PACSIN3: variants seen among roughly 807,000 people sequenced by gnomAD.
PACSIN3 encodes the protein protein kinase C and casein kinase substrate in neurons protein 3.
PACSIN3 carries 34 observed loss-of-function variants against 56.1 expected under a neutral mutation model. The observed-to-expected ratio is 0.61, with a 90% CI of 0.46 to 0.81. PACSIN3 has a LOEUF of 0.81. Among genes scored for constraint, PACSIN3 ranks in the 30% least tolerant of loss-of-function variants. PACSIN3 has a pLI of 0.00. For missense variants in PACSIN3, 535 were observed against 592.4 expected, an observed-to-expected ratio of 0.90 and a Z score of 1.01; for synonymous variants, 218 against 229.8, an observed-to-expected ratio of 0.95 and a Z score of 0.46.
intron 6 of PACSIN3, 125 bp downstream of exon 6, chr11:47,180,061 G>T: frequency 1.2e-6 from 1 of 831,444 alleles, no homozygotes; most frequent in South Asian, 1.6e-5. Context: ...CATCTGGAGA[G>T]AGGGTGGCAG....
rs1166253706 is a variant in PACSIN3, at chr11:47,186,042, C to A, written c.-104+307G>T. On this transcript the variant is annotated intron_variant, in intron 1 of 10. Transcript: ENST00000298838. The surrounding 1 kb of genome is among the most constrained non-coding windows in gnomAD (Gnocchi z 4.5). ...GCCAGGGAGCGAGGACCCTCTGGGG[C>A]CTCGGGGCGGGCGCGAGGCGAGCGG... Among the ~76,000 whole-genome samples, 1 of 152,074 alleles carries A rather than the reference C, an allele frequency of 6.6e-6. No individual in the cohort carries two copies. The highest frequency in any genetic ancestry group is 1.5e-5 in the Non-Finnish European group (1 of 67,952).
In PACSIN3 at chr11:47,178,416, G is replaced by A. The variant is rs1264960152; in HGVS notation, c.1109C>T (p.Ala370Val). ...TTCCTGGCCAGCGTAGTCATAGAGTGCCCTCACCCGAACCCCGGTGGCAGC... is the reference window on the plus strand; with the variant it reads ...TTCCTGGCCAGCGTAGTCATAGAGTACCCTCACCCGAACCCCGGTGGCAGC... ...RKAATGVRVR[A>V]LYDYAGQEAD... Residue 370 changes from alanine (A) to valine (V), a missense_variant, in exon 10 of 11, where the codon GCA (alanine) becomes GTA (valine). By Grantham distance (64) the Ala-to-Val change is moderately conservative (BLOSUM62 0). Transcript: ENST00000298838. This position sits in a 1 kb window ranked among gnomAD's most constrained non-coding sequence, Gnocchi z 4.2. 1 of 1,613,916 alleles carries A rather than the reference G, an allele frequency of 6.2e-7. No individual in the cohort carries two copies. The highest frequency in any genetic ancestry group is 1.3e-5 in the African/African-American group (1 of 74,944).
In PACSIN3 at chr11:47,178,477, C is replaced by T. The variant is rs377425381; in HGVS notation, c.1048G>A (p.Asp350Asn). 3 of 1,613,584 alleles carry T rather than the reference C, an allele frequency of 1.9e-6. No homozygotes were observed. Among genetic ancestry groups the T allele is most frequent in the African/African-American group, 1.3e-5 (1 of 74,928 alleles). Reference sequence around the variant, plus strand: ...CTCTCTTCATCTGACCACTCCTCATCCTGCCCCGTGCTGGAGAGGGGAGGC... The same window carrying T: ...CTCTCTTCATCTGACCACTCCTCATTCTGCCCCGTGCTGGAGAGGGGAGGC... ...QSPGSPGTGQDEEWSDEESPR... is the reference protein window; with the variant it reads ...QSPGSPGTGQNEEWSDEESPR... The change falls in exon 10 of 11, where the codon GAT (aspartate) becomes AAT (asparagine). Residue 350 changes from aspartate to asparagine, a missense_variant. Physicochemically the swap from Asp to Asn is conservative, Grantham distance 23. Transcript: ENST00000298838. The surrounding 1 kb of genome is among the most constrained non-coding windows in gnomAD (Gnocchi z 4.2).
rs1418825434 is a variant in PACSIN3, at chr11:47,180,300, A to G, written c.489T>C (p.Asp163=). Residue 163 remains aspartate (D), a synonymous_variant, in exon 6 of 11, where the codon GAT becomes GAC. Transcript: ENST00000298838. ...TCTCCCTCGTCTGGGCGGTCTTCTCATCCTTCCGGGCTGCGTGGTAGCTTT... is the reference window on the plus strand; with the variant it reads ...TCTCCCTCGTCTGGGCGGTCTTCTCGTCCTTCCGGGCTGCGTGGTAGCTTT... The part of the protein sequence containing the change: ...SKKSYHAARK[D]EKTAQTRESH... 2 of 1,602,750 alleles carry G rather than the reference A, an allele frequency of 1.2e-6. No homozygotes were observed. The highest frequency in any genetic ancestry group is 1.7e-6 in the Non-Finnish European group (2 of 1,179,962).
At position 47,178,783 on chromosome 11, in the gene PACSIN3, G is replaced by C; in HGVS notation, c.1037+111C>G. 3.9e-6 allele frequency: 5 copies of C among 1,292,430 alleles called. No individual in the cohort carries two copies. The highest frequency in any genetic ancestry group is 5.4e-6 in the Non-Finnish European group (5 of 932,972). The allele number at this position is 1,292,430 out of a possible 1,614,324, so 80.1% of individuals were successfully genotyped here. A position where few individuals can be genotyped will look rare whatever the true frequency, so the allele number is the denominator to read the frequency against. On this transcript the variant is annotated intron_variant, in intron 9 of 10. Transcript: ENST00000298838. This position sits in a 1 kb window ranked among gnomAD's most constrained non-coding sequence, Gnocchi z 4.2. ...TACTAAGTAGGCCCTCAGGTCCCTG[G>C]CACCAATTTTCAACCCATTTCAGGT...
intron 1 of PACSIN3, chr11:47,184,406 G>C (rs1953082334): frequency 6.6e-6 from 1 of 152,256 alleles, no homozygotes; most frequent in Non-Finnish European, 1.5e-5. Flanking sequence ...CAGCCGGGGT[G>C]TATAACCCAT....
At position 47,177,619 on chromosome 11, in the gene PACSIN3, C is replaced by G; in HGVS notation, c.*312G>C. 1 of 427,564 alleles carries G rather than the reference C, an allele frequency of 2.3e-6. No individual in the cohort carries two copies. The highest frequency in any genetic ancestry group is 4.9e-5 in the East Asian group (1 of 20,582). 26.5% of individuals were successfully genotyped at this position (427,564 alleles called of 1,614,324 possible). ...TGCTAGGCCAGAACTACACTCACCC[C>G]AAGCCCACCCCAGGAACCCCAAAGC... On this transcript the variant is annotated 3_prime_UTR_variant, in exon 11 of 11. Transcript: ENST00000298838.
In PACSIN3 at chr11:47,179,887, G is replaced by C; in HGVS notation, c.603+299C>G. The C allele has an allele frequency of 1.8e-6, 1 of 562,882 alleles. No individual in the cohort carries two copies. The highest frequency in any genetic ancestry group is 3.1e-6 in the Non-Finnish European group (1 of 318,102). The allele number at this position is 562,882 out of a possible 1,614,324, so 34.9% of individuals were successfully genotyped here. On this transcript the variant is annotated intron_variant, in intron 6 of 10. Coordinates refer to ENST00000298838, the MANE Select transcript of PACSIN3 (RefSeq NM_016223.5). The surrounding 1 kb of genome is among the most constrained non-coding windows in gnomAD (Gnocchi z 4.4). Reference sequence around the variant, plus strand: ...AAACTGCAGCATCTCAGGATGGGGAGGATTTGCATATCCAGAGCTGCAGGA... The same window carrying C: ...AAACTGCAGCATCTCAGGATGGGGACGATTTGCATATCCAGAGCTGCAGGA...
intron 1 of PACSIN3, chr11:47,185,638 C>A (rs890618676): frequency 2.0e-5 from 3 of 152,696 alleles, no homozygotes; most frequent in Admixed American, 6.5e-5. Context: ...TTTGGAAACC[C>A]GACCTGCCGG....
chr11:47,186,389 A>G lies in PACSIN3; in HGVS notation c.-144T>C, dbSNP rs1318630150. 1 of 150,856 alleles carries G rather than the reference A, an allele frequency of 6.6e-6. No individual in the cohort carries two copies. The highest frequency in any genetic ancestry group is 1.5e-5 in the Non-Finnish European group (1 of 67,600). 9.3% of individuals were successfully genotyped at this position (150,856 alleles called of 1,614,324 possible). ...CCCCTCGGCGGGTGGGGGTCCGGCC[A>G]CGCTCCGGCCCGAGTCCTGCCGCTC... On this transcript the variant is annotated 5_prime_UTR_variant, in exon 1 of 11. Transcript: ENST00000298838. This position sits in a 1 kb window ranked among gnomAD's most constrained non-coding sequence, Gnocchi z 4.5.
In PACSIN3 at chr11:47,182,421, T is replaced by C. The variant is rs367640067; in HGVS notation, c.193A>G (p.Arg65Gly). 64 of 1,599,856 alleles carry C rather than the reference T, an allele frequency of 4.0e-5. No homozygotes were observed. The highest frequency in any genetic ancestry group is 5.1e-5 in the Non-Finnish European group (60 of 1,179,138). ...QQLADWARKW[R>G]GTVEKGPQYG... ...GGCTCACCCTTCTCCACGGTCCCCCTCCACTTTCGGGCCCAGTCAGCCAAC... is the reference window on the plus strand; with the variant it reads ...GGCTCACCCTTCTCCACGGTCCCCCCCCACTTTCGGGCCCAGTCAGCCAAC... The change falls in exon 4 of 11, where the codon AGG (arginine) becomes GGG (glycine). Residue 65 changes from arginine to glycine, a missense_variant. Transcript: ENST00000298838.
chr11:47,184,689 G>T (rs1036329735), intron 1 of PACSIN3, among the ~76,000 whole-genome samples: 1 of 152,200 alleles, frequency 6.6e-6, no homozygotes, highest in African/African-American at 2.4e-5. Context: ...TCACAAGCTC[G>T]TCACTTGGTT....
chr11:47,178,914 G>C lies in PACSIN3; in HGVS notation c.1017C>G (p.Pro339=). 1 of 1,614,002 alleles carries C rather than the reference G, an allele frequency of 6.2e-7. No homozygotes were observed. The highest frequency in any genetic ancestry group is 2.2e-5 in the East Asian group (1 of 44,876). ...VPTRDGTAPP[P]QSPGSPGTGQ... ...CTCACCCTGGGGACCCCGGGGACTG[G>C]GGTGGGGGTGCGGTGCCATCTCTTG... is the stretch of plus-strand genomic sequence containing the variant. The change falls in exon 9 of 11, where the codon CCC becomes CCG. Residue 339 remains proline, a synonymous_variant. Coordinates refer to ENST00000298838, the MANE Select transcript of PACSIN3 (RefSeq NM_016223.5). The surrounding 1 kb of genome is among the most constrained non-coding windows in gnomAD (Gnocchi z 4.2).
chr11:47,180,750 CT>C, intron 4 of PACSIN3, 60 bp from the exon 5 acceptor site: 1 of 1,394,194 alleles, frequency 7.2e-7, no homozygotes, highest in Non-Finnish European at 9.7e-7. Flanking sequence ...AGCCTAGCCC[CT>C]CTCACTGGGT....
In PACSIN3 at chr11:47,180,353, G is replaced by A. The variant is rs758693496; in HGVS notation, c.448-12C>T. On this transcript the variant is annotated splice_polypyrimidine_tract_variant and intron_variant, in intron 5 of 10. Transcript: ENST00000298838. The stretch of plus-strand genomic sequence containing the variant: ...TTGGAAGCCTCAACCTGGCATGCAT[G>A]GAGACCACTCTGGACCCTGGATGCC... 2.5e-6 allele frequency: 4 copies of A among 1,601,440 alleles called. No homozygotes were observed. Among genetic ancestry groups the A allele is most frequent in the African/African-American group, 1.3e-5 (1 of 74,912 alleles).
intron 1 of PACSIN3, among the ~76,000 whole-genome samples, chr11:47,183,846 A>G (rs1213089205): frequency 6.6e-6 from 1 of 152,106 alleles, no homozygotes; most frequent in Non-Finnish European, 1.5e-5. Context: ...ACATGGAGGA[A>G]CCTCGTCTCT....
In PACSIN3 at chr11:47,182,511, G is replaced by A. The variant is rs558482473; in HGVS notation, c.103C>T (p.Leu35=). 2 of 1,612,530 alleles carry A rather than the reference G, an allele frequency of 1.2e-6. No homozygotes were observed. The highest frequency in any genetic ancestry group is 1.1e-5 in the South Asian group (1 of 91,074). The change falls in exon 4 of 11, where the codon CTG becomes TTG. Residue 35 remains leucine, a synonymous_variant. Transcript: ENST00000298838. ...TVQRVEDGHR[L]CGDLVSCFQE... is the part of the protein sequence containing the mutation. ...AAGCAGCTGACCAGGTCCCCGCACA[G>A]CCGGTGCCCGTCCTCCACCCGCTGT...
rs146398948 is a variant in PACSIN3 at position 47,179,962 on chromosome 11, C to G, written c.603+224G>C. Among the ~76,000 whole-genome samples, 43 of 152,322 alleles carry G rather than the reference C, an allele frequency of 2.8e-4. No individual in the cohort carries two copies. Among genetic ancestry groups the G allele is most frequent in the African/African-American group, 1.0e-3 (42 of 41,570 alleles). On this transcript the variant is annotated intron_variant, in intron 6 of 10. Coordinates refer to ENST00000298838, the MANE Select transcript of PACSIN3 (RefSeq NM_016223.5). The surrounding 1 kb of genome is among the most constrained non-coding windows in gnomAD (Gnocchi z 4.4). ...TGTGCAAGGAAAAGAGCTGGAAGTT[C>G]TCAACTGCTGAAGTCATCCCAGTGC...
intron 1 of PACSIN3, among the ~76,000 whole-genome samples, chr11:47,183,637 G>T (rs994321985): frequency 2.0e-5 from 3 of 152,212 alleles, no homozygotes; most frequent in African/African-American, 7.2e-5. Flanking sequence ...GGCCCGCAAG[G>T]CTCCGTGGGG....
Sources: allele counts gnomAD v4.1 joint callset (sites outside exome capture counted in the v4.1 genomes callset), GRCh38; gene constraint gnomAD v4.1.1; non-coding constraint Gnocchi (gnomAD v3.1); transcripts MANE v1.5; gene names NCBI Gene and HGNC (gene_info 2026-07-23, HGNC 2026-07-21).